The following PDE7B variants were observed in gnomAD, a reference collection of about 807,000 sequenced individuals.
PDE7B encodes the protein phosphodiesterase 7B.
In PDE7B, 29 loss-of-function variants were observed where a neutral mutation model predicts 56.2. That is an observed-to-expected ratio of 0.52 (90% CI 0.38 to 0.70). The LOEUF (loss-of-function observed/expected upper bound fraction) is 0.70, where lower values mean the gene tolerates loss of function less well. Ranked by LOEUF, PDE7B falls within the 30% of genes least tolerant of loss-of-function variation. The pLI is 0.00. For missense variants in PDE7B, 490 were observed against 565.0 expected (o/e 0.87, Z 1.35); for synonymous variants, 197 against 196.9 (o/e 1.00, Z 0.00).
At chr6:135,859,952 T>C (rs970173855) in intron 1 of PDE7B, among the ~76,000 whole-genome samples, 1 of 152,032 alleles carries the variant, frequency 6.6e-6, no homozygotes, top group Non-Finnish European at 1.5e-5. Context: ...CCATTTTTTT[T>C]CCAGGAGCAT....
chr6:136,165,424 G>A (rs1778777195), intron 8 of PDE7B: 1 of 152,130 alleles, frequency 6.6e-6, no homozygotes. Flanking sequence ...TCTCTCATTA[G>A]CTCTTTCAGG....
Position 136,176,779 on chromosome 6 carries a change from G to A in PDE7B, c.804-2218G>A, listed in dbSNP as rs192977121. Among the ~76,000 whole-genome samples the A allele has an allele frequency of 1.6e-3, 242 of 152,068 alleles. 2 individuals carry two copies. Among genetic ancestry groups the A allele is most frequent in the African/African-American group, 5.2e-3 (216 of 41,506 alleles). The stretch of plus-strand genomic sequence containing the variant: ...AAGAATGAGGGGAACCATTTTTCTC[G>A]TACTATTGATAGCATTGGGTATTAC... On this transcript the variant is annotated intron_variant, in intron 9 of 12. Coordinates refer to ENST00000308191, the MANE Select transcript of PDE7B (RefSeq NM_018945.4).
chr6:135,987,258 T>C (rs1301632687), intron 2 of PDE7B, among the ~76,000 whole-genome samples: 2 of 152,106 alleles, frequency 1.3e-5, no homozygotes, highest in Admixed American at 6.6e-5. Flanking sequence ...GCGAAAGCTG[T>C]TCAGAGTCAC....
intron 2 of PDE7B, among the ~76,000 whole-genome samples, chr6:136,060,995 G>C (rs1776828382): frequency 1.3e-5 from 2 of 152,118 alleles, no homozygotes; most frequent in Admixed American, 6.5e-5. Context: ...TTGTGTAATA[G>C]ATGCTCAATA....
At chr6:136,017,210 T>A (rs935324314) in intron 2 of PDE7B, among the ~76,000 whole-genome samples, 3 of 152,218 alleles carry the variant, frequency 2.0e-5, no homozygotes, top group Admixed American at 1.3e-4. Context: ...CAAATATTAT[T>A]TTTTAAGTTC....
At chr6:135,992,774 T>C (rs1359676363) in intron 2 of PDE7B, among the ~76,000 whole-genome samples, 1 of 152,214 alleles carries the variant, frequency 6.6e-6, no homozygotes, top group African/African-American at 2.4e-5. Flanking sequence ...GTTTGGTCCA[T>C]GGAAAGAACA....
intron 2 of PDE7B, among the ~76,000 whole-genome samples, chr6:136,009,336 A>G (rs1215966960): frequency 2.0e-5 from 3 of 152,068 alleles, no homozygotes; most frequent in African/African-American, 7.2e-5. Context: ...TTGGTTCCAT[A>G]TGAACTTTAA....
chr6:135,931,174 C>T (rs897881156), intron 1 of PDE7B, among the ~76,000 whole-genome samples: 4 of 152,194 alleles, frequency 2.6e-5, no homozygotes, highest in African/African-American at 9.7e-5. Context: ...CTATAACTAA[C>T]ACATATGCCC....
At chr6:135,964,866 G>A (rs963085796) in intron 2 of PDE7B, among the ~76,000 whole-genome samples, 1 of 152,226 alleles carries the variant, frequency 6.6e-6, no homozygotes. Flanking sequence ...GGGTGCAGTG[G>A]CACAGTGGCT....
At chr6:136,058,439 C>A (rs1446731267) in intron 2 of PDE7B, among the ~76,000 whole-genome samples, 1 of 152,134 alleles carries the variant, frequency 6.6e-6, no homozygotes, top group Admixed American at 6.5e-5. Context: ...GTCCCCATCC[C>A]ACCTCCAGTG....
intron 2 of PDE7B, among the ~76,000 whole-genome samples, chr6:136,019,435 C>T (rs1471659926): frequency 6.6e-6 from 1 of 152,068 alleles, no homozygotes; most frequent in Non-Finnish European, 1.5e-5. Flanking sequence ...GCATACCTAT[C>T]AGGGCTGGCA....
chr6:136,190,737 A>C (rs1038408902), intron 12 of PDE7B, among the ~76,000 whole-genome samples: 1 of 152,236 alleles, frequency 6.6e-6, no homozygotes, highest in Non-Finnish European at 1.5e-5. Flanking sequence ...ACAGACATGC[A>C]AACAAAGAAG....
At chr6:136,052,593 G>T (rs1008526182) in intron 2 of PDE7B, among the ~76,000 whole-genome samples, 1 of 151,404 alleles carries the variant, frequency 6.6e-6, no homozygotes, top group African/African-American at 2.4e-5. Flanking sequence ...CTCAGTTCTT[G>T]TGGGTGTATA....
intron 1 of PDE7B, among the ~76,000 whole-genome samples, chr6:135,946,569 A>G (rs1774598647): frequency 6.6e-6 from 1 of 152,102 alleles, no homozygotes; most frequent in Admixed American, 6.6e-5. Context: ...AACACTTGTT[A>G]TTGCCAGACT....
intron 3 of PDE7B, among the ~76,000 whole-genome samples, chr6:136,113,639 G>A (rs904244790): frequency 4.6e-5 from 7 of 152,194 alleles, no homozygotes; most frequent in Non-Finnish European, 7.3e-5. Flanking sequence ...AGAACTGGAG[G>A]GACGGAAAAG....
intron 2 of PDE7B, among the ~76,000 whole-genome samples, chr6:135,971,194 A>C (rs138245531): frequency 6.6e-6 from 1 of 152,302 alleles, no homozygotes; most frequent in Non-Finnish European, 1.5e-5. Flanking sequence ...GGAAATTTGG[A>C]TACACAGACA....
intron 2 of PDE7B, among the ~76,000 whole-genome samples, chr6:136,078,080 C>T (rs1041696067): frequency 1.3e-5 from 2 of 152,084 alleles, no homozygotes; most frequent in South Asian, 4.1e-4. Context: ...AGTGATAAAT[C>T]GAGGAAAGAA....
At chr6:136,120,143 C>T (rs2128443253) in intron 3 of PDE7B, among the ~76,000 whole-genome samples, 1 of 152,280 alleles carries the variant, frequency 6.6e-6, no homozygotes, top group Non-Finnish European at 1.5e-5. Flanking sequence ...TTAGTATTCC[C>T]ATTTAAGAAG....
intron 2 of PDE7B, among the ~76,000 whole-genome samples, chr6:135,971,234 A>G (rs903808212): frequency 6.6e-6 from 1 of 152,208 alleles, no homozygotes; most frequent in Non-Finnish European, 1.5e-5. Context: ...GCAAACATGA[A>G]GGCAGTCATC....
Sources: gnomAD v4.1 joint callset for allele counts (sites outside exome capture counted in the v4.1 genomes callset) on GRCh38, gnomAD v4.1.1 for gene constraint, MANE v1.5 for transcripts, NCBI Gene and HGNC (gene_info 2026-07-23, HGNC 2026-07-21) for gene names.